Variants in LRRC43 observed in about 807,000 individuals in gnomAD.
LRRC43 encodes the protein leucine rich repeat containing 43, also known as leucine-rich repeat-containing protein 43.
A neutral mutation model predicts 64.3 loss-of-function variants in LRRC43; 62 were observed. That is an observed-to-expected ratio of 0.96 (90% CI 0.79 to 1.19). The LOEUF is 1.19. Among genes scored for constraint, LRRC43 ranks in the 50% most tolerant of loss-of-function variants. The probability of loss-of-function intolerance (pLI) is 0.00; values close to 1 mark genes in which losing one functional copy is unlikely to be tolerated. For missense variants in LRRC43, 868 were observed against 845.0 expected (o/e 1.03, Z -0.34); for synonymous variants, 422 against 382.3 (o/e 1.10, Z -1.21).
chr12:122,203,159 T>C (rs1953863222), intron 11 of LRRC43, among the ~76,000 whole-genome samples, 156 bp from the exon 12 acceptor site: 1 of 152,200 alleles, frequency 6.6e-6, no homozygotes, highest in Non-Finnish European at 1.5e-5. Context: ...TTAAATACAA[T>C]TTAATTTTAT....
chr12:122,192,783 G>T lies in LRRC43; in HGVS notation c.1128G>T (p.Glu376Asp). 1 of 1,614,126 alleles carries T rather than the reference G, an allele frequency of 6.2e-7. No individual in the cohort carries two copies. Among genetic ancestry groups the T allele is most frequent in the South Asian group, 1.1e-5 (1 of 91,088 alleles). Residue 376 changes from glutamate (E) to aspartate (D), a missense_variant, in exon 7 of 12, where the codon GAG becomes GAT. Physicochemically the swap from Glu to Asp is conservative, Grantham distance 45. Transcript: ENST00000339777. Reference protein sequence around the residue: ...KPSPSLELLVEESPEEVVEDV... With the variant: ...KPSPSLELLVDESPEEVVEDV... ...CTCCCAGCTTAGAATTATTAGTTGAGGAATCTCCTGAAGAGGTCGTGGAAG... is the reference window on the plus strand; with the variant it reads ...CTCCCAGCTTAGAATTATTAGTTGATGAATCTCCTGAAGAGGTCGTGGAAG...
intron 7 of LRRC43, among the ~76,000 whole-genome samples, chr12:122,196,613 T>C (rs761442362): frequency 3.3e-5 from 5 of 151,700 alleles, no homozygotes; most frequent in African/African-American, 4.8e-5. Flanking sequence ...GCTAAAAATA[T>C]AAAAAATTAT....
chr12:122,192,985 C>T lies in LRRC43; in HGVS notation c.1330C>T (p.Arg444Trp), dbSNP rs769432465. ...LAKLRLRIDP[R>W]LCPSPGTVLF... ...CAAGTTGAGGCTGCGTATAGATCCC[C>T]GGCTCTGCCCGTCCCCAGGGTAAGG... The change falls in exon 7 of 12, where the codon CGG becomes TGG. Residue 444 changes from arginine (R) to tryptophan (W), a missense_variant. By Grantham distance (101) the Arg-to-Trp change is moderately radical. Transcript: ENST00000339777. 113 of 1,613,648 alleles carry T rather than the reference C, an allele frequency of 7.0e-5. 1 individual carries two copies. Among genetic ancestry groups the T allele is most frequent in the Middle Eastern group, 5.0e-4 (3 of 5,980 alleles).
intron 1 of LRRC43, among the ~76,000 whole-genome samples, chr12:122,169,952 A>G (rs1953471093): frequency 6.6e-6 from 1 of 151,874 alleles, no homozygotes; most frequent in Admixed American, 6.6e-5. Flanking sequence ...GATTACAGGC[A>G]TGCACCACTA....
intron 7 of LRRC43, among the ~76,000 whole-genome samples, chr12:122,194,724 G>C (rs1051148437): frequency 6.6e-6 from 1 of 152,116 alleles, no homozygotes; most frequent in Non-Finnish European, 1.5e-5. Flanking sequence ...TACTGCCTCA[G>C]CCTCCCAAAG....
At chr12:122,190,512 C>T in intron 5 of LRRC43, 144 bp downstream of exon 5, 1 of 650,992 alleles carries the variant, frequency 1.5e-6, no homozygotes, top group African/African-American at 1.8e-5. Context: ...AGCCTCTCTT[C>T]TGGGTCAGAG....
intron 1 of LRRC43, chr12:122,172,294 T>G: frequency 8.1e-6 from 6 of 744,492 alleles, no homozygotes; most frequent in Non-Finnish European, 1.3e-5. Flanking sequence ...GAGGGGTCCC[T>G]GAGATTATTC....
chr12:122,185,135 T>C (rs1453632386), intron 2 of LRRC43, among the ~76,000 whole-genome samples: 1 of 152,184 alleles, frequency 6.6e-6, no homozygotes, highest in Non-Finnish European at 1.5e-5. Flanking sequence ...GGTGTAGTTC[T>C]ATTTTAATTT....
Position 122,200,857 on chromosome 12 carries a change from G to C in LRRC43, c.1732G>C (p.Gly578Arg). 1 of 1,612,992 alleles carries C rather than the reference G, an allele frequency of 6.2e-7. No homozygotes were observed. Residue 578 changes from glycine (G) to arginine (R), a missense_variant, in exon 10 of 12, where the codon GGG (glycine) becomes CGG (arginine). By Grantham distance (125) the Gly-to-Arg change is moderately radical (BLOSUM62 -2). Coordinates refer to ENST00000339777, the MANE Select transcript of LRRC43 (RefSeq NM_001098519.2). This position sits in a 1 kb window ranked among gnomAD's most constrained non-coding sequence, Gnocchi z 4.6. The part of the protein sequence containing the change: ...GLVILEPLLA[G>R]EPLVSTVCNF... ...GGTGATCCTGGAGCCCCTGCTCGCC[G>C]GGGAGCCCCTGGTGTCCACCGTGTG... is the stretch of plus-strand genomic sequence containing the variant.
Position 122,199,278 on chromosome 12 carries a change from C to CTTT in LRRC43, c.1350-891_1350-889dup, listed in dbSNP as rs1165454881. ...TGGGGCTAGGCTAGAATTGTTTCAG[C>CTTT]TTTTTTTTTTTTTTTTTTTTTTGAG... On this transcript the variant is annotated intron_variant, in intron 7 of 11. Coordinates refer to ENST00000339777, the MANE Select transcript of LRRC43 (RefSeq NM_001098519.2). Among the ~76,000 whole-genome samples the CTTT allele has an allele frequency of 2.6e-3, 226 of 86,146 alleles. 6 individuals carry two copies. Among genetic ancestry groups the CTTT allele is most frequent in the African/African-American group, 4.3e-3 (77 of 18,026 alleles). 56.5% of individuals were successfully genotyped at this position (86,146 alleles called of 152,430 possible).
At chr12:122,203,190 C>T (rs985171737) in intron 11 of LRRC43, 125 bp from the exon 12 acceptor site, 7 of 945,104 alleles carry the variant, frequency 7.4e-6, no homozygotes, top group Non-Finnish European at 1.1e-5. Context: ...TGTTAACACC[C>T]GAGGACCAAA....
intron 1 of LRRC43, among the ~76,000 whole-genome samples, chr12:122,169,512 G>A (rs1291512923): frequency 6.6e-6 from 1 of 151,990 alleles, no homozygotes; most frequent in South Asian, 2.1e-4. Context: ...TCAGGAGATC[G>A]AGACCATCCT....
At chr12:122,196,441 G>A (rs1953773462) in intron 7 of LRRC43, among the ~76,000 whole-genome samples, 1 of 152,080 alleles carries the variant, frequency 6.6e-6, no homozygotes, top group Non-Finnish European at 1.5e-5. Flanking sequence ...GCCAGGTATC[G>A]GGATTACAAA....
Position 122,184,797 on chromosome 12 carries a change from G to A in LRRC43, c.411+18G>A. 1.3e-6 allele frequency: 2 copies of A among 1,581,512 alleles called. No individual in the cohort carries two copies. Among genetic ancestry groups the A allele is most frequent in the Non-Finnish European group, 1.7e-6 (2 of 1,163,646 alleles). On this transcript the variant is annotated intron_variant, in intron 2 of 11. Transcript: ENST00000339777. This position sits in a 1 kb window ranked among gnomAD's most constrained non-coding sequence, Gnocchi z 4.0. The stretch of plus-strand genomic sequence containing the variant: ...ACAAGAAGGTCAGTGCTGGGCACGT[G>A]GTAGGTGATGTTAGGGTGGCCGCTC...
intron 3 of LRRC43, 68 bp downstream of exon 3, chr12:122,186,368 C>A: frequency 9.9e-7 from 1 of 1,009,192 alleles, no homozygotes; most frequent in Non-Finnish European, 1.5e-6. Context: ...CTTACCCTGC[C>A]CCACATAGTG....
chr12:122,196,916 G>A (rs1953778183), intron 7 of LRRC43, among the ~76,000 whole-genome samples: 1 of 152,154 alleles, frequency 6.6e-6, no homozygotes, highest in Non-Finnish European at 1.5e-5. Flanking sequence ...TAGAAAGTGT[G>A]GGAAACACAT....
intron 7 of LRRC43, among the ~76,000 whole-genome samples, chr12:122,199,822 G>A (rs765379610): frequency 6.6e-6 from 1 of 152,108 alleles, no homozygotes; most frequent in African/African-American, 2.4e-5. Context: ...TGGTTCAGGC[G>A]ATCCTCCTGT....
rs763320584 is a variant in LRRC43, at chr12:122,190,256, G to A, written c.789G>A (p.Val263=). 4.6e-5 allele frequency: 74 copies of A among 1,614,048 alleles called. No individual in the cohort carries two copies. Among genetic ancestry groups the A allele is most frequent in the Non-Finnish European group, 6.1e-5 (72 of 1,180,038 alleles). The change falls in exon 5 of 12, where the codon GTG becomes GTA. Residue 263 remains valine, a synonymous_variant. Transcript: ENST00000339777. The part of the protein sequence containing the change: ...LVLQGNPLAL[V]PYYRGLTIDS... ...TGCAGGGAAACCCACTGGCCTTGGTGCCCTACTACCGCGGCCTCACCATCG... is the reference window on the plus strand; with the variant it reads ...TGCAGGGAAACCCACTGGCCTTGGTACCCTACTACCGCGGCCTCACCATCG...
At chr12:122,174,731 C>T (rs1953522040) in intron 1 of LRRC43, among the ~76,000 whole-genome samples, 1 of 152,178 alleles carries the variant, frequency 6.6e-6, no homozygotes, top group Admixed American at 6.6e-5. Flanking sequence ...ATCTCAACTC[C>T]ATGTGGCCTT....
Sources: gnomAD v4.1 joint callset for allele counts (sites outside exome capture counted in the v4.1 genomes callset) on GRCh38, gnomAD v4.1.1 for gene constraint, Gnocchi (gnomAD v3.1) non-coding constraint, MANE v1.5 for transcripts, NCBI Gene and HGNC (gene_info 2026-07-23, HGNC 2026-07-21) for gene names.